ASTN2: variants seen among roughly 807,000 people sequenced by gnomAD.
The protein encoded by ASTN2 is astrotactin-2.
A neutral mutation model predicts 139.8 loss-of-function variants in ASTN2; 54 were observed. That is an observed-to-expected ratio of 0.39 (90% CI 0.31 to 0.48). The LOEUF is 0.48. Ranked by LOEUF, ASTN2 falls within the 20% of genes least tolerant of loss-of-function variation. The pLI is 0.95. For missense variants in ASTN2, 1,565 were observed against 1,725.1 expected, an observed-to-expected ratio of 0.91 and a Z score of 1.64; for synonymous variants, 756 against 719.5, an observed-to-expected ratio of 1.05 and a Z score of -0.81.
chr9:117,232,032 T>G (rs1832908214), intron 2 of ASTN2, among the ~76,000 whole-genome samples: 1 of 151,910 alleles, frequency 6.6e-6, no homozygotes, highest in African/African-American at 2.4e-5. Flanking sequence ...AGAGCTGGAG[T>G]AACTGTCTTC....
intron 5 of ASTN2, among the ~76,000 whole-genome samples, chr9:117,053,470 A>G (rs1208045659): frequency 6.6e-6 from 1 of 152,036 alleles, no homozygotes; most frequent in Non-Finnish European, 1.5e-5. Flanking sequence ...AAAACTAATG[A>G]TCTTCTGGGG....
intron 10 of ASTN2, among the ~76,000 whole-genome samples, chr9:116,880,333 T>C (rs1471856078): frequency 2.0e-5 from 3 of 152,188 alleles, no homozygotes; most frequent in Non-Finnish European, 2.9e-5. Flanking sequence ...TGACACTTTA[T>C]TGGAAAAAGC....
chr9:116,650,058 C>T (rs1857824024), intron 17 of ASTN2, among the ~76,000 whole-genome samples: 1 of 152,178 alleles, frequency 6.6e-6, no homozygotes, highest in Admixed American at 6.5e-5. Flanking sequence ...ACTCAACACC[C>T]TCCAGCACTT....
intron 19 of ASTN2, among the ~76,000 whole-genome samples, chr9:116,541,645 A>G (rs1851881403): frequency 6.6e-6 from 1 of 152,290 alleles, no homozygotes; most frequent in South Asian, 2.1e-4. Flanking sequence ...GACTCTAACC[A>G]TGGGCAGATG....
At chr9:117,174,011 T>C (rs889751664) in intron 3 of ASTN2, among the ~76,000 whole-genome samples, 9 of 150,966 alleles carry the variant, frequency 6.0e-5, no homozygotes, top group East Asian at 1.9e-4. Context: ...AGATATAATA[T>C]AACACCAACA....
chr9:117,281,866 T>C (rs1463708766), intron 2 of ASTN2, among the ~76,000 whole-genome samples: 21 of 152,164 alleles, frequency 1.4e-4, no homozygotes, highest in Non-Finnish European at 2.9e-5. Context: ...CTCTCATCTC[T>C]GCTGGATGCT....
Position 117,096,113 on chromosome 9 carries a change from A to G in ASTN2, c.1207T>C (p.Ser403Pro). ...AGCTGAGTTTCATCGTCTGCCTCTGAGCCCGACGTCCCCTTGGCTCTCCCA... is the reference window on the plus strand; with the variant it reads ...AGCTGAGTTTCATCGTCTGCCTCTGGGCCCGACGTCCCCTTGGCTCTCCCA... The part of the protein sequence containing the change: ...SFGRAKGTSG[S>P]EADDETQLTF... Residue 403 changes from serine (S) to proline (P), a missense_variant, in exon 5 of 23, where the codon TCA (serine) becomes CCA (proline). By Grantham distance (74) the Ser-to-Pro change is moderately conservative. This residue lies in a region of ASTN2 where 596 missense variants were observed against 576.8 expected (regional missense o/e 1.03). Coordinates refer to ENST00000313400, the MANE Select transcript of ASTN2 (RefSeq NM_001365068.1). 1 of 1,614,048 alleles carries G rather than the reference A, an allele frequency of 6.2e-7. No homozygotes were observed. The highest frequency in any genetic ancestry group is 8.5e-7 in the Non-Finnish European group (1 of 1,179,974).
chr9:116,940,530 A>G (rs920445909), intron 10 of ASTN2, among the ~76,000 whole-genome samples: 4 of 152,174 alleles, frequency 2.6e-5, no homozygotes, highest in Non-Finnish European at 4.4e-5. Flanking sequence ...GTTTTTAATA[A>G]AGGAGTTTAA....
rs148516709 is a variant in ASTN2 at position 117,152,478 on chromosome 9, A to G, written c.1016-11000T>C. 1.7e-3 allele frequency among the ~76,000 whole-genome samples: 266 copies of G among 152,258 alleles called. 2 individuals are homozygous for G. Among genetic ancestry groups the G allele is most frequent in the East Asian group, 8.7e-3 (45 of 5,166 alleles). On this transcript the variant is annotated intron_variant, in intron 3 of 22. Coordinates refer to ENST00000313400, the MANE Select transcript of ASTN2 (RefSeq NM_001365068.1). ...AATTTGGAATCTGGATGTGGCTGCAACATTAATTCCAAAGACACAGCTTCT... is the reference window on the plus strand; with the variant it reads ...AATTTGGAATCTGGATGTGGCTGCAGCATTAATTCCAAAGACACAGCTTCT...
intron 13 of ASTN2, among the ~76,000 whole-genome samples, chr9:116,802,028 G>A (rs144615991): frequency 3.6e-4 from 55 of 151,776 alleles, no homozygotes; most frequent in Non-Finnish European, 7.4e-4. Flanking sequence ...TTGTGTCTGG[G>A]ACTGGACAGT....
chr9:116,747,755 G>A (rs1300804999), intron 13 of ASTN2, among the ~76,000 whole-genome samples: 1 of 151,746 alleles, frequency 6.6e-6, no homozygotes, highest in Non-Finnish European at 1.5e-5. Flanking sequence ...CATACACAGA[G>A]TCAGAGTGAA....
At chr9:116,459,169 T>C (rs2118958030) in intron 20 of ASTN2, among the ~76,000 whole-genome samples, 1 of 152,138 alleles carries the variant, frequency 6.6e-6, no homozygotes, top group Non-Finnish European at 1.5e-5. Context: ...ATACTCTCTG[T>C]AACAAAAGAC....
At chr9:116,605,838 T>C (rs1055548779) in intron 19 of ASTN2, among the ~76,000 whole-genome samples, 2 of 152,120 alleles carry the variant, frequency 1.3e-5, no homozygotes, top group Admixed American at 6.6e-5. Context: ...GGAGGTAATA[T>C]GAACTAGTGA....
chr9:116,484,552 T>C (rs1411922870), intron 20 of ASTN2, among the ~76,000 whole-genome samples: 2 of 152,012 alleles, frequency 1.3e-5, no homozygotes, highest in African/African-American at 4.8e-5. Context: ...ATTTTAAAAC[T>C]CCAGACCGAG....
At chr9:116,933,471 T>C (rs1386273160) in intron 10 of ASTN2, among the ~76,000 whole-genome samples, 1 of 152,096 alleles carries the variant, frequency 6.6e-6, no homozygotes, top group East Asian at 1.9e-4. Context: ...CTCATGTTTA[T>C]GAGAAAGGCA....
intron 19 of ASTN2, among the ~76,000 whole-genome samples, chr9:116,521,733 A>C (rs995965160): frequency 6.6e-6 from 1 of 152,206 alleles, no homozygotes; most frequent in African/African-American, 2.4e-5. Context: ...AGAGTGGGAG[A>C]AAATCGTCAC....
intron 19 of ASTN2, among the ~76,000 whole-genome samples, chr9:116,524,202 G>C (rs916545399): frequency 6.6e-6 from 1 of 151,986 alleles, no homozygotes; most frequent in African/African-American, 2.4e-5. Context: ...TATTGTTTTA[G>C]TGGCTTCTGC....
intron 5 of ASTN2, among the ~76,000 whole-genome samples, chr9:117,088,494 C>G (rs1472978513): frequency 6.6e-6 from 1 of 152,094 alleles, no homozygotes; most frequent in Non-Finnish European, 1.5e-5. Context: ...TCCTTTTCCT[C>G]GAAAACAGGA....
intron 10 of ASTN2, among the ~76,000 whole-genome samples, chr9:116,962,589 G>A (rs1835903002): frequency 6.6e-6 from 1 of 152,122 alleles, no homozygotes; most frequent in African/African-American, 2.4e-5. Context: ...TATGACATTT[G>A]TTCACATATT....
Sources: gnomAD v4.1 joint callset for allele counts (sites outside exome capture counted in the v4.1 genomes callset) on GRCh38, gnomAD v4.1.1 for gene constraint, gnomAD v4.1.1 regional missense constraint, MANE v1.5 for transcripts, NCBI Gene and HGNC (gene_info 2026-07-23, HGNC 2026-07-21) for gene names.